The following MEGF11 variants were observed in gnomAD, a reference collection of about 807,000 sequenced individuals.
MEGF11 encodes the protein multiple epidermal growth factor-like domains protein 11.
A neutral mutation model predicts 146.6 loss-of-function variants in MEGF11; 126 were observed. The observed-to-expected ratio is 0.86, with a 90% confidence interval of 0.74 to 1.00. MEGF11 has a LOEUF of 1.00. Ranked by LOEUF, MEGF11 falls within the 50% of genes least tolerant of loss-of-function variation. The pLI, the probability that MEGF11 is intolerant of heterozygous loss-of-function variation, is 0.00. For missense variants in MEGF11, 1,509 were observed against 1,521.2 expected, an observed-to-expected ratio of 0.99 and a Z score of 0.13; for synonymous variants, 532 against 583.4, an observed-to-expected ratio of 0.91 and a Z score of 1.27.
At chr15:66,048,863 C>T (rs560687268) in intron 5 of MEGF11, among the ~76,000 whole-genome samples, 1 of 152,358 alleles carries the variant, frequency 6.6e-6, no homozygotes, top group East Asian at 1.9e-4. Context: ...CAGCACTCCA[C>T]AGGCATTACC....
At chr15:65,933,768 A>T (rs537993124) in intron 10 of MEGF11, among the ~76,000 whole-genome samples, 55 of 152,328 alleles carry the variant, frequency 3.6e-4, no homozygotes, top group African/African-American at 1.3e-3. Context: ...CTCTGGTACC[A>T]TCCTGCTTCC....
At chr15:65,949,713 G>T (rs114828785) in intron 10 of MEGF11, among the ~76,000 whole-genome samples, 1 of 152,220 alleles carries the variant, frequency 6.6e-6, no homozygotes, top group Admixed American at 6.5e-5. Context: ...GGAGGCAGCC[G>T]GAAGGGGGTC....
chr15:66,096,294 G>A (rs1056778782), intron 4 of MEGF11, among the ~76,000 whole-genome samples: 6 of 152,238 alleles, frequency 3.9e-5, no homozygotes, highest in African/African-American at 1.4e-4. Flanking sequence ...TCTGCCGAGG[G>A]CGGTGAAATC....
At chr15:66,131,505 T>C (rs939963409) in intron 1 of MEGF11, among the ~76,000 whole-genome samples, 7 of 152,154 alleles carry the variant, frequency 4.6e-5, no homozygotes, top group Admixed American at 2.6e-4. Flanking sequence ...CATTTCTGGG[T>C]CAGGTCCAGC....
intron 1 of MEGF11, among the ~76,000 whole-genome samples, chr15:66,192,547 G>C (rs2090911211): frequency 1.4e-5 from 2 of 148,020 alleles, no homozygotes; most frequent in Admixed American, 7.0e-5. Flanking sequence ...ATCATAATGA[G>C]CCTAGGATAT....
At chr15:66,218,989 A>AAAAAAAAAAAAAC (rs2091661927) in intron 1 of MEGF11, among the ~76,000 whole-genome samples, 1 of 151,396 alleles carries the variant, frequency 6.6e-6, no homozygotes, top group African/African-American at 2.4e-5. Flanking sequence ...CAAAAAAAAA[A>AAAAAAAAAAAAAC]AAAAAAACCT....
chr15:66,188,046 G>T (rs1026838849), intron 1 of MEGF11, among the ~76,000 whole-genome samples: 1 of 152,134 alleles, frequency 6.6e-6, no homozygotes, highest in African/African-American at 2.4e-5. Context: ...TGTGCTGGGG[G>T]GAGCCGGAGG....
chr15:65,905,483 A>G (rs1416155641), intron 24 of MEGF11: 1 of 152,260 alleles, frequency 6.6e-6, no homozygotes, highest in Non-Finnish European at 1.5e-5. Flanking sequence ...ACATTCCGGC[A>G]TTTAAACCTA....
intron 1 of MEGF11, among the ~76,000 whole-genome samples, chr15:66,157,746 A>G (rs1015387618): frequency 1.3e-5 from 2 of 152,258 alleles, no homozygotes; most frequent in East Asian, 1.9e-4. Flanking sequence ...ATAGTTGTCT[A>G]TGACAAAGCT....
At chr15:66,069,840 T>C (rs1221887496) in intron 5 of MEGF11, among the ~76,000 whole-genome samples, 1 of 152,356 alleles carries the variant, frequency 6.6e-6, no homozygotes, top group East Asian at 1.9e-4. Context: ...AGACAGTCCC[T>C]GTCACCACTA....
intron 2 of MEGF11, among the ~76,000 whole-genome samples, chr15:66,126,578 G>C (rs938945959): frequency 6.6e-6 from 1 of 152,226 alleles, no homozygotes; most frequent in Non-Finnish European, 1.5e-5. Context: ...CTCCCTGTGG[G>C]GGACGCTCCC....
chr15:66,096,650 G>GA (rs1294805241), intron 4 of MEGF11, among the ~76,000 whole-genome samples: 5 of 152,204 alleles, frequency 3.3e-5, no homozygotes, highest in African/African-American at 9.7e-5. Flanking sequence ...GGTGACCAGA[G>GA]ACAGAGGGTG....
At chr15:66,077,239 C>T (rs2085630749) in intron 5 of MEGF11, among the ~76,000 whole-genome samples, 2 of 152,206 alleles carry the variant, frequency 1.3e-5, no homozygotes, top group African/African-American at 4.8e-5. Flanking sequence ...TGTGGGTGGG[C>T]CTGCCTGGAG....
At chr15:65,942,681 A>C (rs993493468) in intron 10 of MEGF11, among the ~76,000 whole-genome samples, 9 of 151,986 alleles carry the variant, frequency 5.9e-5, no homozygotes, top group African/African-American at 2.2e-4. Context: ...GCCTGGCCTC[A>C]TCTCTCCCTG....
At chr15:65,962,710 TACTCTGTGCAG>T (rs2080906407) in intron 9 of MEGF11, among the ~76,000 whole-genome samples, 1 of 152,154 alleles carries the variant, frequency 6.6e-6, no homozygotes, top group African/African-American at 2.4e-5. Flanking sequence ...ACTGAAGGCC[TACTCTGTGCAG>T]GCACCGTGCA....
At chr15:66,154,421 A>G (rs1315174538) in intron 1 of MEGF11, among the ~76,000 whole-genome samples, 3 of 152,218 alleles carry the variant, frequency 2.0e-5, no homozygotes, top group Non-Finnish European at 4.4e-5. Context: ...TAATCAGCAC[A>G]TGGGCTCTTC....
At position 66,025,200 on chromosome 15, in the gene MEGF11, A is replaced by G. The variant is rs188947936; in HGVS notation, c.395-42712T>C. On this transcript the variant is annotated intron_variant, in intron 5 of 25. Transcript: ENST00000395614. The stretch of plus-strand genomic sequence containing the variant: ...AGCAAGTCTATGCAAAACCTGGGCC[A>G]GTGCCCAAGAGAAGGGGAAAACACA... Among the ~76,000 whole-genome samples the G allele has an allele frequency of 3.5e-3, 539 of 152,380 alleles. 3 individuals are homozygous for G. Among genetic ancestry groups the G allele is most frequent in the Middle Eastern group, 0.024 (7 of 294 alleles).
At chr15:66,214,004 T>C (rs1018024564) in intron 1 of MEGF11, among the ~76,000 whole-genome samples, 1 of 150,810 alleles carries the variant, frequency 6.6e-6, no homozygotes, top group African/African-American at 2.4e-5. Context: ...CAGAAGCAGT[T>C]AGATATGCCC....
At chr15:66,251,729 G>A (rs2092373383) in intron 1 of MEGF11, among the ~76,000 whole-genome samples, 1 of 152,232 alleles carries the variant, frequency 6.6e-6, no homozygotes, top group African/African-American at 2.4e-5. Context: ...AGGAGACTTG[G>A]TTTATCTACT....
Sources: allele counts gnomAD v4.1 joint callset (sites outside exome capture counted in the v4.1 genomes callset), GRCh38; gene constraint gnomAD v4.1.1; transcripts MANE v1.5; gene names NCBI Gene and HGNC (gene_info 2026-07-23, HGNC 2026-07-21).